CNTNAP4: variants seen among roughly 807,000 people sequenced by gnomAD.
CNTNAP4 encodes the protein contactin-associated protein-like 4.
CNTNAP4 carries 98 observed loss-of-function variants against 148.4 expected under a neutral mutation model. The ratio of observed to expected loss-of-function variants is 0.66; its 90% CI spans 0.56 to 0.78. The LOEUF (loss-of-function observed/expected upper bound fraction) is 0.78, where lower values mean the gene tolerates loss of function less well. Among genes scored for constraint, CNTNAP4 ranks in the 30% least tolerant of loss-of-function variants. CNTNAP4 has a pLI of 0.00. For synonymous variants in CNTNAP4, 730 were observed against 565.1 expected, an observed-to-expected ratio of 1.29 and a Z score of -4.14; for missense variants, 1,935 against 1,565.6, an observed-to-expected ratio of 1.24 and a Z score of -3.98.
At chr16:76,526,158 A>G (rs1333939916) in intron 17 of CNTNAP4, among the ~76,000 whole-genome samples, 1 of 152,100 alleles carries the variant, frequency 6.6e-6, no homozygotes, top group Admixed American at 6.6e-5. Flanking sequence ...GAGTCCTCCT[A>G]ATTTGAGCAG....
intron 17 of CNTNAP4, among the ~76,000 whole-genome samples, chr16:76,525,628 TTTATAACTAC>T (rs1259893317): frequency 3.1e-5 from 3 of 97,012 alleles, no homozygotes; most frequent in African/African-American, 1.1e-4. Flanking sequence ...TTATATGTAG[TTTATAACTAC>T]ATATAAACTA....
chr16:76,441,501 C>T (rs890815945), intron 4 of CNTNAP4, among the ~76,000 whole-genome samples: 3 of 152,050 alleles, frequency 2.0e-5, no homozygotes, highest in Admixed American at 6.6e-5. Flanking sequence ...CTTCTTTCCT[C>T]GATTCTTGCT....
rs749545082 is a variant in CNTNAP4 at position 76,489,793 on chromosome 16, G to T, written c.1990G>T (p.Glu664Ter). The change falls in exon 13 of 24, where the codon GAG (glutamate) becomes TAG (stop). Residue 664 changes from glutamate to a stop codon, truncating the protein, a stop_gained. Transcript: ENST00000611870. LOFTEE classifies it high-confidence loss of function. Reference protein sequence around the residue: ...AGFFEYVASMEQLQATINRAE... With the variant: ...AGFFEYVASM ...GTTTTTCGAGTATGTGGCCAGCATG[G>T]AGCAACTTCAGGCCACTATTAACCG... 1 of 1,606,492 alleles carries T rather than the reference G, an allele frequency of 6.2e-7. No homozygotes were observed. The highest frequency in any genetic ancestry group is 1.3e-5 in the African/African-American group (1 of 74,940).
chr16:76,403,691 A>G (rs1252245396), intron 3 of CNTNAP4, among the ~76,000 whole-genome samples: 1 of 152,222 alleles, frequency 6.6e-6, no homozygotes, highest in African/African-American at 2.4e-5. Flanking sequence ...CAATCCCATT[A>G]CTGGGTATGT....
intron 17 of CNTNAP4, among the ~76,000 whole-genome samples, chr16:76,528,902 C>G (rs947167978): frequency 3.9e-5 from 6 of 152,170 alleles, no homozygotes; most frequent in Non-Finnish European, 2.9e-5. Flanking sequence ...GATCAGAAGG[C>G]TTTTGAGCAA....
At position 76,540,688 on chromosome 16, in the gene CNTNAP4, G is replaced by A. The variant is rs752646160; in HGVS notation, c.3355-15G>A. The A allele has an allele frequency of 2.7e-5, 41 of 1,534,540 alleles. No homozygotes were observed. Among genetic ancestry groups the A allele is most frequent in the Non-Finnish European group, 3.4e-5 (39 of 1,131,074 alleles). On this transcript the variant is annotated splice_polypyrimidine_tract_variant and intron_variant, in intron 20 of 23. Coordinates refer to ENST00000611870, the MANE Select transcript of CNTNAP4 (RefSeq NM_033401.5). Reference sequence around the variant, plus strand: ...ATCCATTTGGATGTTTTTATCTTGTGTAATAATTTTGTAGATTGACGATAA... The same window carrying A: ...ATCCATTTGGATGTTTTTATCTTGTATAATAATTTTGTAGATTGACGATAA...
chr16:76,335,648 T>C (rs1229154802), intron 2 of CNTNAP4, among the ~76,000 whole-genome samples: 1 of 152,140 alleles, frequency 6.6e-6, no homozygotes, highest in African/African-American at 2.4e-5. Flanking sequence ...ATGTGAAAGA[T>C]GTGCTTAGGG....
intron 4 of CNTNAP4, 99 bp downstream of exon 4, chr16:76,427,698 G>T: frequency 9.1e-7 from 1 of 1,101,802 alleles, no homozygotes. Context: ...TACATAAAGA[G>T]GTATAAAAAA....
intron 1 of CNTNAP4, among the ~76,000 whole-genome samples, chr16:76,294,884 G>T (rs778251591): frequency 6.6e-6 from 1 of 152,120 alleles, no homozygotes; most frequent in Non-Finnish European, 1.5e-5. Context: ...CAGAAGTTTC[G>T]ACTCTCAGAT....
At chr16:76,436,235 G>A (rs2079821027) in intron 4 of CNTNAP4, among the ~76,000 whole-genome samples, 1 of 152,020 alleles carries the variant, frequency 6.6e-6, no homozygotes, top group Non-Finnish European at 1.5e-5. Context: ...GTCAGGGAGG[G>A]GATGATGCCG....
intron 2 of CNTNAP4, among the ~76,000 whole-genome samples, chr16:76,353,896 C>T (rs186797093): frequency 3.1e-4 from 47 of 152,292 alleles, no homozygotes; most frequent in Admixed American, 2.4e-3. Context: ...CAATGGCATA[C>T]GCCCTACCAT....
At position 76,558,709 on chromosome 16, in the gene CNTNAP4, T is replaced by G. The variant is rs766636958; in HGVS notation, c.*26T>G. Reference sequence around the variant, plus strand: ...TTGGCAGCTATGATTTAACATAAAATTATGATAGTTTGTTTTAATAGCCAG... The same window carrying G: ...TTGGCAGCTATGATTTAACATAAAAGTATGATAGTTTGTTTTAATAGCCAG... On this transcript the variant is annotated 3_prime_UTR_variant, in exon 24 of 24. Coordinates refer to ENST00000611870, the MANE Select transcript of CNTNAP4 (RefSeq NM_033401.5). 6 of 1,547,648 alleles carry G rather than the reference T, an allele frequency of 3.9e-6. No individual in the cohort carries two copies. In the South Asian group the frequency reaches 5.9e-5, roughly 15 times the overall value.
At chr16:76,489,303 T>C (rs1036972898) in intron 12 of CNTNAP4, among the ~76,000 whole-genome samples, 34 of 152,138 alleles carry the variant, frequency 2.2e-4, no homozygotes, top group African/African-American at 6.0e-4. Context: ...ATAGGCAGCA[T>C]TTTTCCTTTC....
At chr16:76,475,065 C>A (rs548763296) in intron 10 of CNTNAP4, among the ~76,000 whole-genome samples, 1 of 152,074 alleles carries the variant, frequency 6.6e-6, no homozygotes, top group South Asian at 2.1e-4. Context: ...GAGGCTAAGG[C>A]AGGAGAATAC....
At position 76,538,297 on chromosome 16, in the gene CNTNAP4, C is replaced by T; in HGVS notation, c.3177C>T (p.Ser1059=). The change falls in exon 19 of 24, where the codon AGC becomes AGT. Residue 1059 remains serine (S), a synonymous_variant. Coordinates refer to ENST00000611870, the MANE Select transcript of CNTNAP4 (RefSeq NM_033401.5). ...CACCAAGCTTGCTGCTTTTTGTGAG[C>T]TCCTTTTACAAAGAATACCTTTCTG... The part of the protein sequence containing the change: ...TRTPSLLLFV[S]SFYKEYLSVI... 6.2e-7 allele frequency: 1 copy of T among 1,606,444 alleles called. No individual in the cohort carries two copies. The highest frequency in any genetic ancestry group is 8.5e-7 in the Non-Finnish European group (1 of 1,177,252).
At chr16:76,556,342 T>C (rs975451108) in intron 23 of CNTNAP4, among the ~76,000 whole-genome samples, 1 of 152,192 alleles carries the variant, frequency 6.6e-6, no homozygotes, top group African/African-American at 2.4e-5. Context: ...ATTTTATTCA[T>C]AATAACTAAT....
At chr16:76,433,600 G>C (rs1339055795) in intron 4 of CNTNAP4, among the ~76,000 whole-genome samples, 2 of 152,092 alleles carry the variant, frequency 1.3e-5, no homozygotes, top group Admixed American at 1.3e-4. Context: ...ACATTTACCT[G>C]GGTGAGGAAA....
intron 1 of CNTNAP4, among the ~76,000 whole-genome samples, chr16:76,283,745 C>T (rs557487790): frequency 1.3e-5 from 2 of 152,092 alleles, no homozygotes; most frequent in African/African-American, 4.8e-5. Flanking sequence ...ATAATCTATA[C>T]AACAAACCCC....
intron 3 of CNTNAP4, among the ~76,000 whole-genome samples, chr16:76,359,672 A>G (rs1005396204): frequency 6.6e-6 from 1 of 152,236 alleles, no homozygotes; most frequent in African/African-American, 2.4e-5. Flanking sequence ...ATGTTCATAA[A>G]ATATAATTTA....
Sources: allele counts gnomAD v4.1 joint callset (sites outside exome capture counted in the v4.1 genomes callset), GRCh38; gene constraint gnomAD v4.1.1; transcripts MANE v1.5; gene names NCBI Gene and HGNC (gene_info 2026-07-23, HGNC 2026-07-21).